RIMS1: variants seen among roughly 807,000 people sequenced by gnomAD.
The protein encoded by RIMS1 is regulating synaptic membrane exocytosis 1.
RIMS1 carries 83 observed loss-of-function variants against 214.1 expected under a neutral mutation model. The ratio of observed to expected loss-of-function variants is 0.39; its 90% confidence interval spans 0.32 to 0.47. RIMS1 has a LOEUF of 0.47. Ranked by LOEUF, RIMS1 falls within the 20% of genes least tolerant of loss-of-function variation. The probability of loss-of-function intolerance (pLI) is 0.99; values close to 1 mark genes in which losing one functional copy is unlikely to be tolerated. For synonymous variants in RIMS1, 793 were observed against 786.8 expected (o/e 1.01, Z -0.13); for missense variants, 2,050 against 2,161.8 (o/e 0.95, Z 1.03).
At chr6:72,368,617 T>G (rs1369722708) in intron 29 of RIMS1, among the ~76,000 whole-genome samples, 1 of 152,028 alleles carries the variant, frequency 6.6e-6, no homozygotes, top group African/African-American at 2.4e-5. Context: ...TAAAATTCAG[T>G]CACCAGCTCA....
chr6:72,052,550 T>C (rs1376138320), intron 2 of RIMS1, among the ~76,000 whole-genome samples: 1 of 152,172 alleles, frequency 6.6e-6, no homozygotes, highest in Non-Finnish European at 1.5e-5. Flanking sequence ...TTCTTTGGAG[T>C]GTAAGCATGG....
intron 2 of RIMS1, among the ~76,000 whole-genome samples, chr6:72,085,331 C>G (rs866238256): frequency 6.6e-6 from 1 of 152,108 alleles, no homozygotes; most frequent in African/African-American, 2.4e-5. Context: ...GCCTCTGAAG[C>G]AACCTATGTT....
chr6:71,941,603 G>A (rs757406750), intron 1 of RIMS1, among the ~76,000 whole-genome samples: 1 of 152,098 alleles, frequency 6.6e-6, no homozygotes, highest in Non-Finnish European at 1.5e-5. Context: ...GTTTCTTGCT[G>A]CACAGAAGTC....
At chr6:71,970,841 T>C (rs1452322041) in intron 2 of RIMS1, among the ~76,000 whole-genome samples, 6 of 152,204 alleles carry the variant, frequency 3.9e-5, no homozygotes, top group African/African-American at 1.4e-4. Flanking sequence ...TGTTTGTGAA[T>C]GGAACTCTCC....
At chr6:72,225,288 A>T (rs1369616171) in intron 6 of RIMS1, among the ~76,000 whole-genome samples, 1 of 152,168 alleles carries the variant, frequency 6.6e-6, no homozygotes, top group Non-Finnish European at 1.5e-5. Flanking sequence ...CCACATAATT[A>T]CTTCTGTTTT....
intron 2 of RIMS1, among the ~76,000 whole-genome samples, chr6:72,031,575 T>A (rs1299071742): frequency 6.6e-6 from 1 of 152,046 alleles, no homozygotes. Context: ...GGGGAAATAG[T>A]TGGATAGGAA....
chr6:71,990,204 A>G (rs1801181893), intron 2 of RIMS1, among the ~76,000 whole-genome samples: 1 of 152,130 alleles, frequency 6.6e-6, no homozygotes, highest in East Asian at 1.9e-4. Flanking sequence ...AAACTCCACA[A>G]ACTCCAGAGA....
At chr6:72,032,534 T>G (rs529621055) in intron 2 of RIMS1, among the ~76,000 whole-genome samples, 3 of 152,278 alleles carry the variant, frequency 2.0e-5, no homozygotes, top group Non-Finnish European at 4.4e-5. Context: ...TCATGAGGGT[T>G]TGTTTAAGAG....
intron 6 of RIMS1, chr6:72,212,981 T>C (rs1478004573): frequency 1.4e-6 from 2 of 1,420,218 alleles, no homozygotes; most frequent in African/African-American, 1.4e-5. Flanking sequence ...CATTTTCTGC[T>C]GGTCCTGTTG....
chr6:72,237,970 A>G (rs530750422), intron 9 of RIMS1, 48 bp downstream of exon 9: 20 of 1,320,550 alleles, frequency 1.5e-5, no homozygotes, highest in Non-Finnish European at 1.8e-5. Context: ...TCCATGCATG[A>G]ACATGAATTG....
chr6:71,901,017 C>G (rs1055988619), intron 1 of RIMS1, among the ~76,000 whole-genome samples: 5 of 152,084 alleles, frequency 3.3e-5, no homozygotes, highest in Admixed American at 3.3e-4. Context: ...CCAGGAGAGC[C>G]TTGTCTCACT....
chr6:71,947,120 TA>T (rs1243376571), intron 1 of RIMS1, among the ~76,000 whole-genome samples: 1 of 151,830 alleles, frequency 6.6e-6, no homozygotes, highest in Admixed American at 6.6e-5. Flanking sequence ...ATGGCTAATA[TA>T]AAAAAGATGA....
chr6:72,111,195 T>C (rs1190108721), intron 4 of RIMS1, among the ~76,000 whole-genome samples: 1 of 152,192 alleles, frequency 6.6e-6, no homozygotes, highest in East Asian at 1.9e-4. Context: ...CATGTCTTTC[T>C]TTATCCTTGA....
In RIMS1 at chr6:72,274,343, A is replaced by G. The variant is rs1230067200; in HGVS notation, c.3399-6A>G. 4 of 1,606,320 alleles carry G rather than the reference A, an allele frequency of 2.5e-6. No individual in the cohort carries two copies. The highest frequency in any genetic ancestry group is 2.2e-5 in the East Asian group (1 of 44,816). Reference sequence around the variant, plus strand: ...TTTTTTCCTGTCTTGTTCACTGGGCAAACAGGGGTAGATGGTCCCCCTCCC... The same window carrying G: ...TTTTTTCCTGTCTTGTTCACTGGGCGAACAGGGGTAGATGGTCCCCCTCCC... On this transcript the variant is annotated splice_polypyrimidine_tract_variant and splice_region_variant and intron_variant, in intron 22 of 33. Transcript: ENST00000521978.
intron 1 of RIMS1, among the ~76,000 whole-genome samples, chr6:71,924,220 T>C (rs1204881031): frequency 2.0e-5 from 3 of 152,148 alleles, no homozygotes; most frequent in African/African-American, 7.2e-5. Context: ...ACACATATAA[T>C]GTCCTCAGCT....
intron 2 of RIMS1, among the ~76,000 whole-genome samples, chr6:71,996,739 G>C (rs1012846965): frequency 9.0e-6 from 1 of 110,700 alleles, no homozygotes; most frequent in Non-Finnish European, 2.0e-5. Context: ...TGTGTAGATA[G>C]AGGTGACAAA....
chr6:72,064,272 C>G (rs551414117), intron 2 of RIMS1, among the ~76,000 whole-genome samples: 1 of 151,162 alleles, frequency 6.6e-6, no homozygotes, highest in Non-Finnish European at 1.5e-5. Context: ...GAGCTGAGAT[C>G]GTGCCATTGC....
intron 29 of RIMS1, among the ~76,000 whole-genome samples, chr6:72,381,047 G>T (rs1564712787): frequency 6.6e-6 from 1 of 152,174 alleles, no homozygotes; most frequent in Non-Finnish European, 1.5e-5. Flanking sequence ...CCATAGACTG[G>T]ATGGCTTAAA....
chr6:72,097,964 T>C (rs2032331083), intron 3 of RIMS1, among the ~76,000 whole-genome samples: 1 of 152,180 alleles, frequency 6.6e-6, no homozygotes, highest in South Asian at 2.1e-4. Flanking sequence ...TAATTATTTA[T>C]AGGGAAATCT....
Sources: gnomAD v4.1 joint callset for allele counts (sites outside exome capture counted in the v4.1 genomes callset) on GRCh38, gnomAD v4.1.1 for gene constraint, MANE v1.5 for transcripts, NCBI Gene and HGNC (gene_info 2026-07-23, HGNC 2026-07-21) for gene names.